NPHP4: variants seen among roughly 807,000 people sequenced by gnomAD.
The protein encoded by NPHP4 is nephrocystin 4.
A neutral mutation model predicts 155.8 loss-of-function variants in NPHP4; 151 were observed. The observed-to-expected ratio is 0.97, with a 90% CI of 0.85 to 1.11. NPHP4 has a LOEUF of 1.11. NPHP4 is among the 50% of genes least tolerant of loss of function. The probability of loss-of-function intolerance (pLI) is 0.00; values close to 1 mark genes in which losing one functional copy is unlikely to be tolerated. For missense variants in NPHP4, 1,956 were observed against 1,925.7 expected (o/e 1.02, Z -0.29); for synonymous variants, 845 against 816.8 (o/e 1.03, Z -0.59).
At chr1:5,980,364 C>T (rs1285649620) in intron 2 of NPHP4, among the ~76,000 whole-genome samples, 1 of 152,166 alleles carries the variant, frequency 6.6e-6, no homozygotes, top group Non-Finnish European at 1.5e-5. Context: ...AGAAAGCCCA[C>T]CGGACTGCAG....
At position 5,904,777 on chromosome 1, in the gene NPHP4, T is replaced by C. The variant is rs752067388; in HGVS notation, c.1983A>G (p.Ser661=). The change falls in exon 16 of 30, where the codon TCA becomes TCG. Residue 661 remains serine (S), a synonymous_variant. Coordinates refer to ENST00000378156, the MANE Select transcript of NPHP4 (RefSeq NM_015102.5). ...SRVAQDCRGT[S]WPKTVYFTFQ... ...AGGTGAAATACACAGTCTTTGGCCA[T>C]GATGTTCCTCGGCAGTCCTGGGCCA... 6.2e-6 allele frequency: 10 copies of C among 1,613,974 alleles called. 1 individual carries two copies. The highest frequency in any genetic ancestry group is 3.3e-5 in the South Asian group (3 of 91,082).
intron 20 of NPHP4, chr1:5,876,887 A>T: frequency 2.4e-6 from 1 of 412,318 alleles, no homozygotes; most frequent in Admixed American, 4.3e-5. Flanking sequence ...GTGACGCCCA[A>T]GAACTGGCTT....
Position 5,867,813 on chromosome 1 carries a change from G to A in NPHP4, c.3399C>T (p.Val1133=), listed in dbSNP as rs1051621609. 1 of 1,613,488 alleles carries A rather than the reference G, an allele frequency of 6.2e-7. No homozygotes were observed. Among genetic ancestry groups the A allele is most frequent in the African/African-American group, 1.3e-5 (1 of 75,056 alleles). The change falls in exon 24 of 30, where the codon GTC becomes GTT. Residue 1133 remains valine (V), a synonymous_variant. Transcript: ENST00000378156. The surrounding 1 kb of genome is among the most constrained non-coding windows in gnomAD (Gnocchi z 4.1). The part of the protein sequence containing the change: ...VELQPHVVDQ[V]FRFYHPELSF... ...AGAGCTCCGGGTGATAGAAGCGGAA[G>A]ACCTGGTCCACCACGTGGGGCTGCA... is the stretch of plus-strand genomic sequence containing the variant.
At chr1:5,930,779 G>A (rs987999092) in intron 10 of NPHP4, among the ~76,000 whole-genome samples, 3 of 152,148 alleles carry the variant, frequency 2.0e-5, no homozygotes, top group African/African-American at 4.8e-5. Context: ...ATATCATTCC[G>A]ATCCAGTTGG....
At chr1:5,875,130 G>C in intron 20 of NPHP4, 30 bp from the exon 21 acceptor site, 1 of 1,531,044 alleles carries the variant, frequency 6.5e-7, no homozygotes, top group Non-Finnish European at 8.9e-7. Context: ...GGTGGACAGG[G>C]TCCCAGGCAC....
intron 6 of NPHP4, among the ~76,000 whole-genome samples, chr1:5,953,286 A>T (rs1011252713): frequency 4.3e-4 from 65 of 152,086 alleles, no homozygotes; most frequent in African/African-American, 1.5e-3. Context: ...TTGTATTTTT[A>T]GTAGAGGCGG....
chr1:5,895,188 G>T (rs1644331992), intron 16 of NPHP4, among the ~76,000 whole-genome samples: 1 of 152,062 alleles, frequency 6.6e-6, no homozygotes, highest in Non-Finnish European at 1.5e-5. Flanking sequence ...GTCGTGGGGT[G>T]GGGGAAGGGG....
intron 6 of NPHP4, among the ~76,000 whole-genome samples, chr1:5,957,168 T>C (rs1173000254): frequency 2.6e-5 from 4 of 152,192 alleles, no homozygotes; most frequent in Non-Finnish European, 5.9e-5. Flanking sequence ...TGTTGCCAAG[T>C]CTCTGGCTAG....
chr1:5,925,244 T>C (rs1306123827), intron 11 of NPHP4, among the ~76,000 whole-genome samples: 1 of 152,230 alleles, frequency 6.6e-6, no homozygotes, highest in Non-Finnish European at 1.5e-5. Context: ...CTTTTTTTCT[T>C]GTCATTATTC....
In NPHP4 at chr1:5,883,530, C is replaced by T. The variant is rs921560272; in HGVS notation, c.2486-3291G>A. On this transcript the variant is annotated intron_variant, in intron 18 of 29. Transcript: ENST00000378156. ...GGGCAGCAGCTCACGGGCTGGCAGT[C>T]CTGGCAAGCTCTCTGTCACGTCCCG... 5.9e-5 allele frequency among the ~76,000 whole-genome samples: 9 copies of T among 152,192 alleles called. No individual in the cohort carries two copies. In the East Asian group the frequency reaches 1.7e-3, roughly 29 times the overall value.
chr1:5,940,336 T>G (rs1319710085), intron 9 of NPHP4, among the ~76,000 whole-genome samples: 1 of 152,160 alleles, frequency 6.6e-6, no homozygotes. Flanking sequence ...CCTCACAAGA[T>G]GCTGGCACCT....
Position 5,944,153 on chromosome 1 carries a change from T to C in NPHP4, c.1119+2951A>G, listed in dbSNP as rs1405934091. Among the ~76,000 whole-genome samples the C allele has an allele frequency of 2.6e-5, 4 of 152,196 alleles. No individual in the cohort carries two copies. In the East Asian group the frequency reaches 7.7e-4, roughly 29 times the overall value. On this transcript the variant is annotated intron_variant, in intron 9 of 29. Coordinates refer to ENST00000378156, the MANE Select transcript of NPHP4 (RefSeq NM_015102.5). This position sits in a 1 kb window ranked among gnomAD's most constrained non-coding sequence, Gnocchi z 4.3. Reference sequence around the variant, plus strand: ...GGGAGAGGACATAGAAGAAGCAGATTGTCCAGGAAGCTGGCAGCCGGGGAA... The same window carrying C: ...GGGAGAGGACATAGAAGAAGCAGATCGTCCAGGAAGCTGGCAGCCGGGGAA...
chr1:5,905,791 A>G lies in NPHP4; in HGVS notation c.1612-8T>C, dbSNP rs747816998. On this transcript the variant is annotated splice_region_variant and splice_polypyrimidine_tract_variant and intron_variant, in intron 13 of 29. Transcript: ENST00000378156. The surrounding 1 kb of genome is among the most constrained non-coding windows in gnomAD (Gnocchi z 4.0). ...CTCCAACGGGAACTCCTGCTGAACA[A>G]AACGAGGGCTTCCAAGTGAGGCCAC... 1 of 1,598,402 alleles carries G rather than the reference A, an allele frequency of 6.3e-7. No individual in the cohort carries two copies. Among genetic ancestry groups the G allele is most frequent in the African/African-American group, 1.3e-5 (1 of 74,586 alleles).
chr1:5,950,679 G>A (rs1484963720), intron 7 of NPHP4, among the ~76,000 whole-genome samples: 1 of 152,120 alleles, frequency 6.6e-6, no homozygotes, highest in Admixed American at 6.5e-5. Flanking sequence ...TGCCACAGGA[G>A]AGGCCACAGG....
In NPHP4 at chr1:5,951,468, G is replaced by A. The variant is rs548140784; in HGVS notation, c.810+1232C>T. On this transcript the variant is annotated intron_variant, in intron 7 of 29. Transcript: ENST00000378156. ...GGTTTGCCCACAACCCAGGTCTGAG[G>A]GCCCCTCCTTCCAGAGTTGAGAGCA... Among the ~76,000 whole-genome samples the A allele has an allele frequency of 7.0e-4, 106 of 152,300 alleles. 3 individuals are homozygous for A. In the South Asian group the frequency reaches 0.021, roughly 30 times the overall value.
chr1:5,925,048 G>A (rs1280075864), intron 11 of NPHP4, among the ~76,000 whole-genome samples: 2 of 152,102 alleles, frequency 1.3e-5, no homozygotes, highest in African/African-American at 2.4e-5. Context: ...TCTCTGTTCA[G>A]GCATTTCTAC....
chr1:5,981,593 T>C (rs1654709994), intron 2 of NPHP4, among the ~76,000 whole-genome samples: 1 of 152,234 alleles, frequency 6.6e-6, no homozygotes, highest in African/African-American at 2.4e-5. Context: ...GGAAGCAAGC[T>C]TTGGCCATTA....
At chr1:5,950,299 C>T (rs910770187) in intron 7 of NPHP4, among the ~76,000 whole-genome samples, 7 of 152,090 alleles carry the variant, frequency 4.6e-5, no homozygotes, top group East Asian at 1.9e-4. Context: ...CATAACAGAC[C>T]GCACCAGCCT....
intron 7 of NPHP4, among the ~76,000 whole-genome samples, chr1:5,949,112 T>C (rs976557210): frequency 3.3e-5 from 5 of 152,080 alleles, no homozygotes; most frequent in Admixed American, 2.6e-4. Flanking sequence ...AAATACACAA[T>C]AAAGTGATTT....
Sources: gnomAD v4.1 joint callset for allele counts (sites outside exome capture counted in the v4.1 genomes callset) on GRCh38, gnomAD v4.1.1 for gene constraint, Gnocchi (gnomAD v3.1) non-coding constraint, MANE v1.5 for transcripts, NCBI Gene and HGNC (gene_info 2026-07-23, HGNC 2026-07-21) for gene names.